TIAM2: variants seen among roughly 807,000 people sequenced by gnomAD.
TIAM2 encodes rho guanine nucleotide exchange factor TIAM2.
TIAM2 carries 80 observed loss-of-function variants against 152.9 expected under a neutral mutation model. That is an observed-to-expected ratio of 0.52 (90% confidence interval 0.44 to 0.63). The LOEUF (loss-of-function observed/expected upper bound fraction) is 0.63. Among genes scored for constraint, TIAM2 ranks in the 30% least tolerant of loss-of-function variants. The pLI is 0.00. For synonymous variants in TIAM2, 804 were observed against 838.0 expected, an observed-to-expected ratio of 0.96 and a Z score of 0.70; for missense variants, 1,965 against 2,120.1, an observed-to-expected ratio of 0.93 and a Z score of 1.44.
At chr6:155,123,753 A>G (rs1208974350) in intron 2 of TIAM2, among the ~76,000 whole-genome samples, 3 of 152,116 alleles carry the variant, frequency 2.0e-5, no homozygotes, top group Non-Finnish European at 4.4e-5. Context: ...TGTGTGCTGC[A>G]GCTCGGGAGG....
chr6:155,112,907 C>T (rs1480058677), intron 2 of TIAM2, among the ~76,000 whole-genome samples: 2 of 151,820 alleles, frequency 1.3e-5, no homozygotes, highest in Non-Finnish European at 2.9e-5. Flanking sequence ...TTACCACCCC[C>T]ACCCAAGCTG....
intron 1 of TIAM2, among the ~76,000 whole-genome samples, chr6:155,029,443 C>CTATAGTATATATAATA (rs1554225501): frequency 0.049 from 320 of 6,596 alleles, 59 homozygotes; most frequent in Middle Eastern, 0.33. Context: ...ATATATTATA[C>CTATAGTATATATAATA]TATAGTATAT....
intron 1 of TIAM2, among the ~76,000 whole-genome samples, chr6:155,030,451 C>A (rs1776802033): frequency 6.6e-6 from 1 of 152,222 alleles, no homozygotes; most frequent in East Asian, 1.9e-4. Context: ...CGAGAAGGAG[C>A]AATAGGCAGG....
At chr6:155,067,756 T>TCTTAGCCTCCCAAGTA in intron 1 of TIAM2, among the ~76,000 whole-genome samples, 1 of 152,126 alleles carries the variant, frequency 6.6e-6, no homozygotes, top group South Asian at 2.1e-4. Context: ...TCCTCCCACC[T>TCTTAGCCTCCCAAGTA]CTTAGCCTCC....
At chr6:155,227,444 A>G (rs574456861) in intron 15 of TIAM2, among the ~76,000 whole-genome samples, 12 of 152,350 alleles carry the variant, frequency 7.9e-5, no homozygotes, top group Non-Finnish European at 1.5e-4. Context: ...AGAGATGTCA[A>G]CTAGCAGGCC....
chr6:155,074,733 G>C (rs188660741), intron 1 of TIAM2, among the ~76,000 whole-genome samples: 1 of 151,760 alleles, frequency 6.6e-6, no homozygotes. Flanking sequence ...CTTTCTAAGA[G>C]ACTAAGAGGC....
intron 1 of TIAM2, among the ~76,000 whole-genome samples, chr6:155,070,031 C>A (rs71575014): frequency 0.078 from 11,730 of 149,818 alleles, 551 homozygotes; most frequent in East Asian, 0.25. Flanking sequence ...CTCAGCCTCC[C>A]GAGTAGCTGG....
intron 15 of TIAM2, among the ~76,000 whole-genome samples, chr6:155,223,263 T>C (rs4143683): frequency 0.24 from 35,925 of 152,150 alleles, 5,129 homozygotes; most frequent in East Asian, 0.53. Flanking sequence ...CTTAATATTA[T>C]TGATATTGCA....
At chr6:155,015,944 C>CAAAAAAAAAA (rs3081689) in intron 1 of TIAM2, among the ~76,000 whole-genome samples, 8 of 61,826 alleles carry the variant, frequency 1.3e-4, no homozygotes, top group Non-Finnish European at 1.8e-4. Flanking sequence ...TTCAAAAAAC[C>CAAAAAAAAAA]AAAAAAAAAA....
chr6:154,997,355 T>A (rs1428081720), intron 1 of TIAM2, among the ~76,000 whole-genome samples: 1 of 152,128 alleles, frequency 6.6e-6, no homozygotes, highest in East Asian at 2.0e-4. Context: ...CACTGCCACC[T>A]TGCACAGTTG....
intron 1 of TIAM2, among the ~76,000 whole-genome samples, chr6:155,078,896 A>G (rs1351122658): frequency 6.6e-6 from 1 of 152,042 alleles, no homozygotes; most frequent in South Asian, 2.1e-4. Context: ...TCCCAAATAT[A>G]TCTTCCTCTA....
chr6:155,176,199 C>T (rs530475179), intron 9 of TIAM2, among the ~76,000 whole-genome samples: 5 of 152,196 alleles, frequency 3.3e-5, no homozygotes, highest in African/African-American at 4.8e-5. Flanking sequence ...GAGCAGTAAG[C>T]GTGGATACTC....
At chr6:155,035,113 A>G (rs1052805726) in intron 1 of TIAM2, among the ~76,000 whole-genome samples, 1 of 152,154 alleles carries the variant, frequency 6.6e-6, no homozygotes, top group Non-Finnish European at 1.5e-5. Context: ...CTTGATTATT[A>G]TAGTTCGTTT....
intron 1 of TIAM2, among the ~76,000 whole-genome samples, chr6:155,080,306 A>G (rs1739851606): frequency 6.6e-6 from 1 of 152,102 alleles, no homozygotes; most frequent in African/African-American, 2.4e-5. Flanking sequence ...GGAGGAAATG[A>G]AAACACTTAC....
intron 2 of TIAM2, among the ~76,000 whole-genome samples, chr6:155,122,314 A>G (rs1779175197): frequency 6.6e-6 from 1 of 152,198 alleles, no homozygotes; most frequent in Non-Finnish European, 1.5e-5. Context: ...GAGGGAATGC[A>G]GAATGGAAGG....
chr6:155,178,009 A>T (rs184892803), intron 10 of TIAM2, among the ~76,000 whole-genome samples: 1 of 152,038 alleles, frequency 6.6e-6, no homozygotes, highest in African/African-American at 2.4e-5. Context: ...AAAATACAAA[A>T]AATTAGCTGG....
At chr6:155,252,452 G>C (rs1459383983) in intron 23 of TIAM2, among the ~76,000 whole-genome samples, 1 of 152,200 alleles carries the variant, frequency 6.6e-6, no homozygotes, top group Non-Finnish European at 1.5e-5. Flanking sequence ...CTGTGCGACA[G>C]AGTGAGACCC....
chr6:155,061,500 T>A (rs1175429504), intron 1 of TIAM2, among the ~76,000 whole-genome samples: 1 of 152,088 alleles, frequency 6.6e-6, no homozygotes, highest in Non-Finnish European at 1.5e-5. Context: ...ACAGTGAAAA[T>A]CTTGAGTCGC....
At chr6:155,100,007 T>C (rs1292504341) in intron 2 of TIAM2, among the ~76,000 whole-genome samples, 2 of 152,090 alleles carry the variant, frequency 1.3e-5, no homozygotes, top group South Asian at 2.1e-4. Context: ...ACAGTAAAAA[T>C]ATGGTATCAT....
Sources: allele counts gnomAD v4.1 joint callset (sites outside exome capture counted in the v4.1 genomes callset), GRCh38; gene constraint gnomAD v4.1.1; transcripts MANE v1.5; gene names NCBI Gene and HGNC (gene_info 2026-07-23, HGNC 2026-07-21).